The following ANKRD6 variants were observed in gnomAD, a reference collection of about 807,000 sequenced individuals.
ANKRD6 encodes ankyrin repeat domain-containing protein 6.
Under a neutral mutation model 82.3 loss-of-function variants are expected in ANKRD6, and 56 were observed. That is an observed-to-expected ratio of 0.68 (90% CI 0.55 to 0.85). The LOEUF is 0.85. ANKRD6 is among the 40% of genes least tolerant of loss of function. ANKRD6 has a pLI of 0.00. For missense variants in ANKRD6, 852 were observed against 907.6 expected, an observed-to-expected ratio of 0.94 and a Z score of 0.79; for synonymous variants, 347 against 352.1, an observed-to-expected ratio of 0.99 and a Z score of 0.16.
chr6:89,570,212 C>G (rs111890031), intron 2 of ANKRD6, among the ~76,000 whole-genome samples: 10,909 of 152,012 alleles, frequency 0.072, 517 homozygotes, highest in Middle Eastern at 0.15. Flanking sequence ...CCCTGTGTAG[C>G]TGGGACTACA....
intron 2 of ANKRD6, among the ~76,000 whole-genome samples, chr6:89,579,052 A>C (rs1217348119): frequency 1.3e-5 from 2 of 152,110 alleles, no homozygotes; most frequent in Non-Finnish European, 2.9e-5. Context: ...CCTGCACACC[A>C]TTTCCAGAGT....
chr6:89,445,264 CTTTTT>C (rs1227274602), intron 1 of ANKRD6, among the ~76,000 whole-genome samples: 1 of 64,092 alleles, frequency 1.6e-5, no homozygotes, highest in Non-Finnish European at 2.8e-5. Flanking sequence ...AGAGATCTTT[CTTTTT>C]TTTTTTTTTT....
At chr6:89,568,349 T>C (rs1443232766) in intron 2 of ANKRD6, 1 of 152,262 alleles carries the variant, frequency 6.6e-6, no homozygotes, top group Non-Finnish European at 1.5e-5. Context: ...CTTTTCAGAA[T>C]TGTTATAAGA....
chr6:89,614,000 C>T (rs1800876522), intron 7 of ANKRD6, 110 bp downstream of exon 7: 2 of 1,050,738 alleles, frequency 1.9e-6, no homozygotes, highest in Non-Finnish European at 2.7e-6. Context: ...GCCATGTCAC[C>T]TACCTGGGAC....
chr6:89,524,376 A>G (rs1269609152), intron 1 of ANKRD6, among the ~76,000 whole-genome samples: 1 of 152,048 alleles, frequency 6.6e-6, no homozygotes, highest in Non-Finnish European at 1.5e-5. Flanking sequence ...CCCACTTACA[A>G]GTGAGAACAT....
chr6:89,471,998 A>G (rs906414202), intron 1 of ANKRD6, among the ~76,000 whole-genome samples: 1 of 150,676 alleles, frequency 6.6e-6, no homozygotes, highest in Non-Finnish European at 1.5e-5. Context: ...AAGTGAAGTC[A>G]TAAGTGTAGA....
At chr6:89,515,110 A>G (rs963200238) in intron 1 of ANKRD6, among the ~76,000 whole-genome samples, 2 of 152,222 alleles carry the variant, frequency 1.3e-5, no homozygotes, top group African/African-American at 2.4e-5. Context: ...TACATGAACT[A>G]TAAATCTCCT....
At chr6:89,458,934 G>GCCCTGCCACC (rs1191607617) in intron 1 of ANKRD6, among the ~76,000 whole-genome samples, 1 of 152,178 alleles carries the variant, frequency 6.6e-6, no homozygotes, top group Non-Finnish European at 1.5e-5. Flanking sequence ...CTCCTGCCAT[G>GCCCTGCCACC]CCCTGCCACC....
At chr6:89,524,901 A>G (rs919976691) in intron 1 of ANKRD6, among the ~76,000 whole-genome samples, 4 of 150,158 alleles carry the variant, frequency 2.7e-5, no homozygotes, top group African/African-American at 9.8e-5. Context: ...TTTTTTTTTA[A>G]TTTTTAAATT....
intron 2 of ANKRD6, among the ~76,000 whole-genome samples, chr6:89,594,708 G>A (rs1056290915): frequency 6.6e-6 from 1 of 152,100 alleles, no homozygotes; most frequent in African/African-American, 2.4e-5. Flanking sequence ...ATGTTTTTTA[G>A]TGGTTGAAAT....
intron 1 of ANKRD6, among the ~76,000 whole-genome samples, chr6:89,476,885 A>G (rs1776096204): frequency 6.6e-6 from 1 of 152,222 alleles, no homozygotes; most frequent in South Asian, 2.1e-4. Flanking sequence ...ATTCATTTTT[A>G]CATGTTTTAA....
chr6:89,522,551 T>C (rs892311088), intron 1 of ANKRD6, among the ~76,000 whole-genome samples: 1 of 152,174 alleles, frequency 6.6e-6, no homozygotes, highest in Non-Finnish European at 1.5e-5. Context: ...AAACAACTAC[T>C]CTTCTAAATT....
intron 15 of ANKRD6, chr6:89,629,597 CCTTTTACCT>C: frequency 3.2e-6 from 1 of 309,758 alleles, no homozygotes. Context: ...GCCTTTTGTG[CCTTTTACCT>C]CTTCCTTCTC....
At chr6:89,459,041 A>G (rs1773810543) in intron 1 of ANKRD6, among the ~76,000 whole-genome samples, 1 of 152,128 alleles carries the variant, frequency 6.6e-6, no homozygotes, top group South Asian at 2.1e-4. Flanking sequence ...CTGTTGGTTC[A>G]GAGTTCACCT....
Position 89,632,960 on chromosome 6 carries a change from T to TATTA in ANKRD6, c.*1957_*1960dup, listed in dbSNP as rs1159801082. ...TATTTTCACTTACCAAAATATCTCC[T>TATTA]ATTACCTCAAGGTATCCTTGTTGAG... On this transcript the variant is annotated 3_prime_UTR_variant, in exon 16 of 16. Transcript: ENST00000339746. 1.3e-5 allele frequency: 2 copies of TATTA among 152,254 alleles called. No homozygotes were observed. Among genetic ancestry groups the TATTA allele is most frequent in the Non-Finnish European group, 2.9e-5 (2 of 68,040 alleles). 9.4% of individuals were successfully genotyped at this position (152,254 alleles called of 1,614,324 possible). A position where few individuals can be genotyped will look rare whatever the true frequency, so the allele number is the denominator to read the frequency against.
intron 1 of ANKRD6, among the ~76,000 whole-genome samples, chr6:89,531,979 T>C (rs1583123114): frequency 6.6e-6 from 1 of 152,216 alleles, no homozygotes; most frequent in East Asian, 1.9e-4. Context: ...GATGCTGCGG[T>C]TCAAGACAGT....
intron 2 of ANKRD6, among the ~76,000 whole-genome samples, chr6:89,589,622 G>GT (rs1297632284): frequency 1.3e-5 from 2 of 152,200 alleles, no homozygotes; most frequent in Admixed American, 1.3e-4. Context: ...AGCAGAGACT[G>GT]TTTCATTCTA....
At chr6:89,538,601 AATTT>A (rs1364932922) in intron 1 of ANKRD6, among the ~76,000 whole-genome samples, 5 of 152,206 alleles carry the variant, frequency 3.3e-5, no homozygotes, top group African/African-American at 1.2e-4. Flanking sequence ...AATGCAGTGA[AATTT>A]ATTTATTTAG....
At chr6:89,486,989 A>G (rs9283810) in intron 1 of ANKRD6, among the ~76,000 whole-genome samples, 141,702 of 152,264 alleles carry the variant, frequency 0.93, 66,062 homozygotes, top group East Asian at 1. Flanking sequence ...GGGGGTGGAC[A>G]CAAACATTCA....
Sources: gnomAD v4.1 joint callset for allele counts (sites outside exome capture counted in the v4.1 genomes callset) on GRCh38, gnomAD v4.1.1 for gene constraint, MANE v1.5 for transcripts, NCBI Gene and HGNC (gene_info 2026-07-23, HGNC 2026-07-21) for gene names.